Variants in SYT16 observed in about 807,000 individuals in gnomAD.
SYT16 encodes the protein synaptotagmin 16, also known as synaptotagmin-16.
In SYT16, 42 loss-of-function variants were observed where a neutral mutation model predicts 61.4. The ratio of observed to expected loss-of-function variants is 0.68; its 90% CI spans 0.53 to 0.89. The LOEUF (loss-of-function observed/expected upper bound fraction) is 0.89, where lower values mean the gene tolerates loss of function less well. Among genes scored for constraint, SYT16 ranks in the 40% least tolerant of loss-of-function variants. The pLI is 0.00. For synonymous variants in SYT16, 314 were observed against 302.3 expected (o/e 1.04, Z -0.40); for missense variants, 804 against 807.3 (o/e 1.00, Z 0.05).
chr14:61,948,729 T>C (rs996706949), intron 1 of SYT16, among the ~76,000 whole-genome samples: 1 of 152,162 alleles, frequency 6.6e-6, no homozygotes, highest in Admixed American at 6.5e-5. Context: ...AAGGAATCCT[T>C]GTTAAAGTGG....
intron 1 of SYT16, among the ~76,000 whole-genome samples, chr14:61,904,621 A>T (rs1032774595): frequency 6.6e-6 from 1 of 152,136 alleles, no homozygotes; most frequent in Non-Finnish European, 1.5e-5. Flanking sequence ...GGAAAGAGTA[A>T]ATCTGTGTAT....
At chr14:62,025,251 G>A (rs2054057483) in intron 3 of SYT16, among the ~76,000 whole-genome samples, 1 of 152,124 alleles carries the variant, frequency 6.6e-6, no homozygotes, top group African/African-American at 2.4e-5. Context: ...ATGAATGAAA[G>A]TTCCTGTTGC....
intron 7 of SYT16, among the ~76,000 whole-genome samples, chr14:62,087,852 G>A (rs918250520): frequency 6.6e-6 from 1 of 152,174 alleles, no homozygotes; most frequent in African/African-American, 2.4e-5. Context: ...ATCCTTGGGC[G>A]AGAGGGCTCC....
chr14:61,879,913 C>A (rs1462909250), intron 1 of SYT16, among the ~76,000 whole-genome samples: 4 of 152,228 alleles, frequency 2.6e-5, no homozygotes, highest in Non-Finnish European at 5.9e-5. Flanking sequence ...TGTCTTCTCT[C>A]GCCCCAGCTT....
At chr14:62,097,859 CA>C (rs2057317743) in intron 7 of SYT16, among the ~76,000 whole-genome samples, 1 of 152,204 alleles carries the variant, frequency 6.6e-6, no homozygotes, top group African/African-American at 2.4e-5. Flanking sequence ...TACCTGGCAG[CA>C]CAATTGCCCA....
chr14:61,890,032 A>C (rs1264539298), intron 1 of SYT16, among the ~76,000 whole-genome samples: 1 of 152,128 alleles, frequency 6.6e-6, no homozygotes, highest in African/African-American at 2.4e-5. Flanking sequence ...GATTCGGTAA[A>C]TAAGAATAAC....
chr14:61,887,764 G>A (rs184586325), intron 1 of SYT16, among the ~76,000 whole-genome samples: 21 of 152,220 alleles, frequency 1.4e-4, no homozygotes, highest in African/African-American at 4.8e-4. Context: ...AGAGAGTTCG[G>A]GCCTTGCTCA....
At chr14:61,992,371 C>G (rs191259683) in intron 2 of SYT16, among the ~76,000 whole-genome samples, 1 of 152,108 alleles carries the variant, frequency 6.6e-6, no homozygotes, top group African/African-American at 2.4e-5. Context: ...GCTGAGTTCT[C>G]ATGGCGCGGC....
chr14:62,100,062 A>G (rs2057381105), intron 7 of SYT16, among the ~76,000 whole-genome samples: 3 of 152,244 alleles, frequency 2.0e-5, no homozygotes, highest in Admixed American at 6.5e-5. Flanking sequence ...AAATAAATGT[A>G]GATGAAGAAC....
At chr14:62,078,074 T>G (rs1271547039) in intron 5 of SYT16, among the ~76,000 whole-genome samples, 1 of 150,724 alleles carries the variant, frequency 6.6e-6, no homozygotes. Context: ...AACCCCCACC[T>G]TCCGTCTTCT....
At chr14:62,051,239 C>G (rs533264720) in intron 3 of SYT16, among the ~76,000 whole-genome samples, 1 of 152,184 alleles carries the variant, frequency 6.6e-6, no homozygotes, top group Admixed American at 6.5e-5. Flanking sequence ...TAGCAATGAG[C>G]GAGGCTGTGT....
intron 1 of SYT16, among the ~76,000 whole-genome samples, chr14:61,912,175 T>C (rs1216518235): frequency 6.6e-6 from 1 of 152,240 alleles, no homozygotes; most frequent in African/African-American, 2.4e-5. Context: ...TGTCCCATGC[T>C]GGGAGACTAA....
intron 1 of SYT16, among the ~76,000 whole-genome samples, chr14:61,918,997 A>G (rs2049228018): frequency 6.6e-6 from 1 of 152,226 alleles, no homozygotes; most frequent in Non-Finnish European, 1.5e-5. Flanking sequence ...TTCTTAGAAG[A>G]GACAGGTCCT....
chr14:61,957,129 A>T (rs534266341), intron 1 of SYT16, among the ~76,000 whole-genome samples: 2 of 152,046 alleles, frequency 1.3e-5, no homozygotes, highest in South Asian at 2.1e-4. Flanking sequence ...TAGAAGCACA[A>T]CTGATTTTTA....
chr14:61,830,990 A>G (rs575458825), intron 1 of SYT16, among the ~76,000 whole-genome samples: 5 of 152,310 alleles, frequency 3.3e-5, no homozygotes, highest in East Asian at 3.9e-4. Flanking sequence ...TATATTCACA[A>G]GGGTTCTGTC....
intron 1 of SYT16, among the ~76,000 whole-genome samples, chr14:61,869,560 T>G (rs1057017997): frequency 3.9e-5 from 6 of 152,168 alleles, no homozygotes; most frequent in Admixed American, 1.3e-4. Context: ...GGTCTTTGTG[T>G]TGTTGTCATA....
At chr14:61,867,169 T>G (rs1280405165) in intron 1 of SYT16, among the ~76,000 whole-genome samples, 1 of 152,148 alleles carries the variant, frequency 6.6e-6, no homozygotes. Flanking sequence ...ATAATAAGTG[T>G]TGAAATCAGG....
chr14:62,061,968 AT>A (rs11334066), intron 3 of SYT16, among the ~76,000 whole-genome samples: 68,189 of 151,910 alleles, frequency 0.45, 18,517 homozygotes, highest in African/African-American at 0.77. Context: ...TGAATTTATA[AT>A]TTTTTACTTG....
At chr14:62,007,790 C>T (rs558298137) in intron 3 of SYT16, among the ~76,000 whole-genome samples, 1 of 151,706 alleles carries the variant, frequency 6.6e-6, no homozygotes, top group South Asian at 2.1e-4. Context: ...CTATTCTTAA[C>T]ATAATTAGGA....
Sources: gnomAD v4.1 joint callset for allele counts (sites outside exome capture counted in the v4.1 genomes callset) on GRCh38, gnomAD v4.1.1 for gene constraint, MANE v1.5 for transcripts, NCBI Gene and HGNC (gene_info 2026-07-23, HGNC 2026-07-21) for gene names.